The following DHX37 variants were observed in gnomAD, a reference collection of about 807,000 sequenced individuals.
DHX37 encodes the protein DEAH-box helicase 37.
Under a neutral mutation model 134.3 loss-of-function variants are expected in DHX37, and 52 were observed. The ratio of observed to expected loss-of-function variants is 0.39; its 90% confidence interval spans 0.31 to 0.49. The LOEUF is 0.49. Ranked by LOEUF, DHX37 falls within the 20% of genes least tolerant of loss-of-function variation. The pLI is 0.93. For synonymous variants in DHX37, 634 were observed against 670.7 expected, an observed-to-expected ratio of 0.95 and a Z score of 0.85; for missense variants, 1,344 against 1,580.8, an observed-to-expected ratio of 0.85 and a Z score of 2.54.
intron 10 of DHX37, 129 bp downstream of exon 10, chr12:124,968,405 A>G (rs973660759): frequency 5.5e-6 from 8 of 1,458,398 alleles, no homozygotes; most frequent in Non-Finnish European, 7.4e-6. Flanking sequence ...GGAATAAGTG[A>G]GGAAGCCGAG....
At chr12:124,972,024 TC>T (rs1225103672) in intron 7 of DHX37, among the ~76,000 whole-genome samples, 1 of 152,122 alleles carries the variant, frequency 6.6e-6, no homozygotes, top group Non-Finnish European at 1.5e-5. Flanking sequence ...CAGCGGCCCC[TC>T]CCCTTTCCCT....
intron 25 of DHX37, chr12:124,948,555 T>C: frequency 3.7e-6 from 1 of 268,800 alleles, no homozygotes. Flanking sequence ...GAGACCAGCC[T>C]GGCTAACATG....
At chr12:124,988,361 G>A (rs1954914630) in intron 1 of DHX37, among the ~76,000 whole-genome samples, 1 of 152,036 alleles carries the variant, frequency 6.6e-6, no homozygotes, top group African/African-American at 2.4e-5. Context: ...CCCACCCAAT[G>A]GCCTCTTCTG....
intron 2 of DHX37, among the ~76,000 whole-genome samples, chr12:124,983,297 G>C (rs1954792162): frequency 6.6e-6 from 1 of 151,706 alleles, no homozygotes; most frequent in Non-Finnish European, 1.5e-5. Flanking sequence ...TTTTAGTAGA[G>C]ACGGGGTTTC....
intron 4 of DHX37, 149 bp from the exon 5 acceptor site, chr12:124,977,639 C>CT: frequency 5.9e-6 from 5 of 850,516 alleles, no homozygotes; most frequent in Non-Finnish European, 8.2e-6. Context: ...GGACCAGGAG[C>CT]CATGGTCCAG....
intron 4 of DHX37, among the ~76,000 whole-genome samples, chr12:124,979,372 C>T (rs1021407881): frequency 5.9e-5 from 9 of 151,974 alleles, no homozygotes; most frequent in African/African-American, 1.9e-4. Context: ...CTGTTTCAAA[C>T]GAACAAACAA....
chr12:124,971,203 C>A, intron 8 of DHX37, 99 bp downstream of exon 8: 2 of 1,514,362 alleles, frequency 1.3e-6, no homozygotes, highest in South Asian at 2.5e-5. Flanking sequence ...GGCAGCAGCC[C>A]AGGGTACAAC....
rs888734993 is a variant in DHX37 at position 124,950,489 on chromosome 12, G to C, written c.3045C>G (p.Asp1015Glu). The C allele has an allele frequency of 1.9e-6, 3 of 1,574,126 alleles. No individual in the cohort carries two copies. The African/African-American group carries it at 4.1e-5, about 21-fold the overall frequency. ...TAGGGGCTGGTTCCTCCAGGGGCTT[G>C]TCAAACTGGCAGTAAGAGGGCAGCA... is the stretch of plus-strand genomic sequence containing the variant. ...PALLPSYCQFDKPLEEPAPTY... is the reference protein window; with the variant it reads ...PALLPSYCQFEKPLEEPAPTY... Residue 1015 changes from aspartate (D) to glutamate (E), a missense_variant, in exon 23 of 27, where the codon GAC becomes GAG. By Grantham distance (45) the Asp-to-Glu change is conservative. Coordinates refer to ENST00000308736, the MANE Select transcript of DHX37 (RefSeq NM_032656.4).
At chr12:124,957,438 G>C (rs11832653) in intron 16 of DHX37, among the ~76,000 whole-genome samples, 23,645 of 152,146 alleles carry the variant, frequency 0.16, 4,665 homozygotes, top group African/African-American at 0.47. Flanking sequence ...TTATACTCAT[G>C]AGGACTGAGC....
rs189279088 is a variant in DHX37 at position 124,974,980 on chromosome 12, T to G, written c.980+439A>C. 4.1e-3 allele frequency among the ~76,000 whole-genome samples: 627 copies of G among 152,194 alleles called. 3 individuals are homozygous for G. The highest frequency in any genetic ancestry group is 0.015 in the African/African-American group (607 of 41,540). ...TAGTAGAGACAGGGTTTCTCCATGT[T>G]GGTCAGGTTGGTCTCGAATTCCAGA... On this transcript the variant is annotated intron_variant, in intron 6 of 26. Transcript: ENST00000308736.
rs375762765 is a variant in DHX37 at position 124,950,779 on chromosome 12, A to G, written c.2894T>C (p.Phe965Ser). 25 of 1,607,672 alleles carry G rather than the reference A, an allele frequency of 1.6e-5. No homozygotes were observed. The highest frequency in any genetic ancestry group is 2.0e-5 in the Non-Finnish European group (23 of 1,178,334). The change falls in exon 22 of 27, where the codon TTC becomes TCC. Residue 965 changes from phenylalanine (F) to serine (S), a missense_variant. By Grantham distance (155) the Phe-to-Ser change is radical. Transcript: ENST00000308736. ...GAAAAGGACGGAGCTGGGGTGGATG[A>G]AGACAGGGTCGTCGAGGAGAGGGGT... ...YKTPLLDDPV[F>S]IHPSSVLFKE... is the part of the protein sequence containing the mutation.
At chr12:124,957,916 C>T (rs958807860) in intron 16 of DHX37, among the ~76,000 whole-genome samples, 1 of 152,158 alleles carries the variant, frequency 6.6e-6, no homozygotes, top group African/African-American at 2.4e-5. Flanking sequence ...GATTCAGCCG[C>T]GAATAGGAGT....
chr12:124,986,935 C>T (rs538969030), intron 1 of DHX37, among the ~76,000 whole-genome samples: 20 of 151,930 alleles, frequency 1.3e-4, no homozygotes, highest in African/African-American at 3.4e-4. Context: ...TTAGTAGAGA[C>T]GGGGTTTTAC....
chr12:124,980,355 G>A lies in DHX37; in HGVS notation c.738+135C>T. 9.7e-7 allele frequency: 1 copy of A among 1,032,434 alleles called. No individual in the cohort carries two copies. Among genetic ancestry groups the A allele is most frequent in the Non-Finnish European group, 1.4e-6 (1 of 735,040 alleles). The allele number at this position is 1,032,434 out of a possible 1,614,324, so 64.0% of individuals were successfully genotyped here. A position where few individuals can be genotyped will look rare whatever the true frequency, so the allele number is the denominator to read the frequency against. On this transcript the variant is annotated intron_variant, in intron 4 of 26. Coordinates refer to ENST00000308736, the MANE Select transcript of DHX37 (RefSeq NM_032656.4). This position sits in a 1 kb window ranked among gnomAD's most constrained non-coding sequence, Gnocchi z 5.3. ...CTGCCACAGCCTCAAGGGAGGCGCA[G>A]TCACTCTCCCCTTTCCCAGATGGGG...
At position 124,969,858 on chromosome 12, in the gene DHX37, T is replaced by C. The variant is rs577274849; in HGVS notation, c.1192-890A>G. On this transcript the variant is annotated intron_variant, in intron 8 of 26. Transcript: ENST00000308736. ...ATTCCTTAAGCCCAGAAGGTCGGGG[T>C]TGCAGTGAGCTGTGATTGCACCGCT... Among the ~76,000 whole-genome samples, 245 of 151,364 alleles carry C rather than the reference T, an allele frequency of 1.6e-3. 2 individuals carry two copies. The highest frequency in any genetic ancestry group is 5.6e-3 in the African/African-American group (232 of 41,216).
At chr12:124,982,687 A>C in intron 2 of DHX37, 64 bp from the exon 3 acceptor site, 2 of 1,580,168 alleles carry the variant, frequency 1.3e-6, no homozygotes, top group Non-Finnish European at 1.7e-6. Flanking sequence ...AAGGGAAGTG[A>C]GACTGTAATA....
chr12:124,966,986 G>A (rs35177301), intron 11 of DHX37, 108 bp from the exon 12 acceptor site: 15 of 1,541,880 alleles, frequency 9.7e-6, no homozygotes, highest in African/African-American at 2.7e-5. Context: ...CCATTTATTC[G>A]GGGGTGAGGT....
At position 124,960,305 on chromosome 12, in the gene DHX37, A is replaced by C. The variant is rs1033430108; in HGVS notation, c.2157+7T>G. 1.9e-6 allele frequency: 3 copies of C among 1,610,412 alleles called. No individual in the cohort carries two copies. Among genetic ancestry groups the C allele is most frequent in the Non-Finnish European group, 2.5e-6 (3 of 1,177,532 alleles). ...GGCTGAGAGCGGGGCTGGGGGCAGC[A>C]ACTGACCTTTTCAACGTTGAGCGCC... On this transcript the variant is annotated splice_region_variant and intron_variant, in intron 16 of 26. Transcript: ENST00000308736.
Position 124,950,251 on chromosome 12 carries a change from G to A in DHX37, c.3122-8C>T. 6.2e-7 allele frequency: 1 copy of A among 1,613,386 alleles called. No homozygotes were observed. The highest frequency in any genetic ancestry group is 8.5e-7 in the Non-Finnish European group (1 of 1,179,948). Reference sequence around the variant, plus strand: ...GCGGCCAGCCCACGCGATCTAGAAGGTGGGAGCCAGTGAGACAGGGACCCT... The same window carrying A: ...GCGGCCAGCCCACGCGATCTAGAAGATGGGAGCCAGTGAGACAGGGACCCT... On this transcript the variant is annotated splice_polypyrimidine_tract_variant and splice_region_variant and intron_variant, in intron 23 of 26. Coordinates refer to ENST00000308736, the MANE Select transcript of DHX37 (RefSeq NM_032656.4).
Sources: gnomAD v4.1 joint callset for allele counts (sites outside exome capture counted in the v4.1 genomes callset) on GRCh38, gnomAD v4.1.1 for gene constraint, Gnocchi (gnomAD v3.1) non-coding constraint, MANE v1.5 for transcripts, NCBI Gene and HGNC (gene_info 2026-07-23, HGNC 2026-07-21) for gene names.